Variants in ELMO1 observed in about 807,000 individuals in gnomAD.
ELMO1 encodes the protein engulfment and cell motility 1.
In ELMO1, 26 loss-of-function variants were observed where a neutral mutation model predicts 98.9. The ratio of observed to expected loss-of-function variants is 0.26; its 90% CI spans 0.19 to 0.36. The LOEUF is 0.36. Among genes scored for constraint, ELMO1 ranks in the 10% least tolerant of loss-of-function variants. The pLI is 1.00. For missense variants in ELMO1, 627 were observed against 935.2 expected, an observed-to-expected ratio of 0.67 and a Z score of 4.30; for synonymous variants, 346 against 346.0, an observed-to-expected ratio of 1.00 and a Z score of 0.00.
intron 14 of ELMO1, among the ~76,000 whole-genome samples, chr7:37,110,112 G>A (rs1325727422): frequency 6.6e-6 from 1 of 152,208 alleles, no homozygotes. Context: ...AGCAGCCTCC[G>A]TGATAAACAG....
chr7:36,964,640 ATTCTT>A (rs1178362864), intron 16 of ELMO1, among the ~76,000 whole-genome samples: 1 of 152,148 alleles, frequency 6.6e-6, no homozygotes, highest in Non-Finnish European at 1.5e-5. Context: ...TATGTAAGGC[ATTCTT>A]TTCTTTTTTT....
At chr7:37,131,291 G>T (rs947681525) in intron 14 of ELMO1, among the ~76,000 whole-genome samples, 2 of 152,084 alleles carry the variant, frequency 1.3e-5, no homozygotes, top group African/African-American at 4.8e-5. Flanking sequence ...ATAAAGAAAA[G>T]TGCATGTGGA....
intron 17 of ELMO1, among the ~76,000 whole-genome samples, chr7:36,888,561 G>A (rs1038530223): frequency 2.6e-5 from 4 of 152,164 alleles, no homozygotes; most frequent in Admixed American, 2.0e-4. Flanking sequence ...AGCATTTCCT[G>A]TAACTCATCT....
chr7:37,364,653 C>T (rs1801827161), intron 1 of ELMO1, among the ~76,000 whole-genome samples: 1 of 150,040 alleles, frequency 6.7e-6, no homozygotes, highest in Non-Finnish European at 1.5e-5. Context: ...AACCAAATTT[C>T]TTCTTCTTCT....
chr7:37,428,519 C>A lies in ELMO1; in HGVS notation c.-74+20156G>T, dbSNP rs1804802416. On this transcript the variant is annotated intron_variant, in intron 1 of 21. Coordinates refer to ENST00000310758, the MANE Select transcript of ELMO1 (RefSeq NM_014800.11). ...CCAGAGCGATAATCAGAATCCAGAA[C>A]CTTGGAATGACATTTCTTTTTGTAA... 2.0e-5 allele frequency among the ~76,000 whole-genome samples: 3 copies of A among 152,130 alleles called. No individual in the cohort carries two copies. The South Asian group carries it at 6.2e-4, about 32-fold the overall frequency.
Position 37,081,709 on chromosome 7 carries a change from A to G in ELMO1, c.1300+14910T>C, listed in dbSNP as rs184186565. Among the ~76,000 whole-genome samples, 257 of 152,330 alleles carry G rather than the reference A, an allele frequency of 1.7e-3. 4 individuals are homozygous for G. The highest frequency in any genetic ancestry group is 5.9e-3 in the African/African-American group (244 of 41,566). On this transcript the variant is annotated intron_variant, in intron 15 of 21. Transcript: ENST00000310758. ...TTATGAGGTCTCCCCAGACAGGTGGAACTGTGAGTCCATTAAACCTCTTTT... is the reference window on the plus strand; with the variant it reads ...TTATGAGGTCTCCCCAGACAGGTGGGACTGTGAGTCCATTAAACCTCTTTT...
chr7:37,014,756 T>C (rs909720385), intron 15 of ELMO1, among the ~76,000 whole-genome samples: 3 of 151,808 alleles, frequency 2.0e-5, no homozygotes, highest in Non-Finnish European at 2.9e-5. Flanking sequence ...TCTTTTAAGG[T>C]CAATTCATCC....
At position 37,380,279 on chromosome 7, in the gene ELMO1, T is replaced by G. The variant is rs73348026; in HGVS notation, c.-73-37516A>C. ...CAGACAATATGATAATTTGTATGCT[T>G]ATTCATTTTGTGTCTTCCTATTCCA... is the stretch of plus-strand genomic sequence containing the variant. On this transcript the variant is annotated intron_variant, in intron 1 of 21. Transcript: ENST00000310758. Among the ~76,000 whole-genome samples the G allele has an allele frequency of 2.5e-3, 385 of 152,364 alleles. 5 individuals carry two copies. Among genetic ancestry groups the G allele is most frequent in the African/African-American group, 8.9e-3 (370 of 41,578 alleles).
Position 37,133,163 on chromosome 7 carries a change from G to A in ELMO1, c.1158C>T (p.Tyr386=), listed in dbSNP as rs750607704. The A allele has an allele frequency of 3.1e-6, 5 of 1,612,586 alleles. No homozygotes were observed. In the Admixed American group the frequency reaches 8.4e-5, roughly 27 times the overall value. ...PGMLALDNML[Y]FAKHHQDAYI... ...AGGCATCTTGGTGGTGCTTGGCAAA[G>A]TACAGCATGTTGTCCAGAGCCAACA... The change falls in exon 14 of 22, where the codon TAC becomes TAT. Residue 386 remains tyrosine, a synonymous_variant. Coordinates refer to ENST00000310758, the MANE Select transcript of ELMO1 (RefSeq NM_014800.11).
chr7:36,900,219 C>T (rs1562808541), intron 16 of ELMO1, among the ~76,000 whole-genome samples: 1 of 152,192 alleles, frequency 6.6e-6, no homozygotes, highest in Non-Finnish European at 1.5e-5. Context: ...CTGAGTCTTC[C>T]ATATGGCATC....
chr7:37,131,674 C>T (rs1040550942), intron 14 of ELMO1, among the ~76,000 whole-genome samples: 2 of 152,084 alleles, frequency 1.3e-5, no homozygotes, highest in Non-Finnish European at 2.9e-5. Flanking sequence ...ATCATCTGTG[C>T]AAAAAATATA....
At chr7:37,042,482 G>C (rs948124422) in intron 15 of ELMO1, among the ~76,000 whole-genome samples, 1 of 152,176 alleles carries the variant, frequency 6.6e-6, no homozygotes. Flanking sequence ...GCCCAAAACA[G>C]AGTTGCTCAA....
At chr7:36,954,881 A>G (rs1310336743) in intron 16 of ELMO1, among the ~76,000 whole-genome samples, 14 of 152,178 alleles carry the variant, frequency 9.2e-5, no homozygotes, top group Admixed American at 7.9e-4. Flanking sequence ...ATGGTTCCCA[A>G]TATTTGATGT....
intron 11 of ELMO1, among the ~76,000 whole-genome samples, chr7:37,214,737 G>A (rs6963497): frequency 1 from 152,289 of 152,304 alleles, 76,137 homozygotes; most frequent in Non-Finnish European, 1. Flanking sequence ...GTTAACTCAT[G>A]GCACACACTT....
At chr7:37,246,885 T>C (rs1260436456) in intron 6 of ELMO1, among the ~76,000 whole-genome samples, 1 of 152,180 alleles carries the variant, frequency 6.6e-6, no homozygotes, top group Non-Finnish European at 1.5e-5. Flanking sequence ...TCTATCTATC[T>C]ATCTATCTAT....
At chr7:37,044,539 C>T (rs1795697526) in intron 15 of ELMO1, among the ~76,000 whole-genome samples, 1 of 152,148 alleles carries the variant, frequency 6.6e-6, no homozygotes, top group Admixed American at 6.5e-5. Context: ...TGGTGACCAG[C>T]CCTCCCCATG....
intron 1 of ELMO1, among the ~76,000 whole-genome samples, chr7:37,431,168 C>T (rs987380211): frequency 2.0e-5 from 3 of 152,112 alleles, no homozygotes; most frequent in African/African-American, 7.2e-5. Flanking sequence ...AAAACCCCAT[C>T]TCTACAGAAA....
intron 16 of ELMO1, among the ~76,000 whole-genome samples, chr7:37,000,442 C>G (rs1792574075): frequency 6.6e-6 from 1 of 152,200 alleles, no homozygotes; most frequent in Non-Finnish European, 1.5e-5. Context: ...CAGAAGAGTT[C>G]TGGGGAGCTG....
chr7:37,375,772 C>A (rs1802314354), intron 1 of ELMO1: 2 of 1,036,320 alleles, frequency 1.9e-6, no homozygotes, highest in Non-Finnish European at 1.5e-6. Flanking sequence ...TGATTACCTT[C>A]ATCTGACCCT....
Sources: gnomAD v4.1 joint callset for allele counts (sites outside exome capture counted in the v4.1 genomes callset) on GRCh38, gnomAD v4.1.1 for gene constraint, MANE v1.5 for transcripts, NCBI Gene and HGNC (gene_info 2026-07-23, HGNC 2026-07-21) for gene names.